The following AKAP9 variants were observed in gnomAD, a reference collection of about 807,000 sequenced individuals.
AKAP9 encodes A-kinase anchor protein 9.
Under a neutral mutation model 488.5 loss-of-function variants are expected in AKAP9, and 311 were observed. That is an observed-to-expected ratio of 0.64 (90% CI 0.58 to 0.70). The LOEUF (loss-of-function observed/expected upper bound fraction) is 0.70. Among genes scored for constraint, AKAP9 ranks in the 30% least tolerant of loss-of-function variants. The pLI is 0.00. For synonymous variants in AKAP9, 1,462 were observed against 1,483.5 expected, an observed-to-expected ratio of 0.99 and a Z score of 0.33; for missense variants, 4,215 against 4,374.5, an observed-to-expected ratio of 0.96 and a Z score of 1.03.
At chr7:92,084,586 A>G (rs771281864) in intron 33 of AKAP9, 54 bp from the exon 34 acceptor site, 3 of 1,288,810 alleles carry the variant, frequency 2.3e-6, no homozygotes, top group Non-Finnish European at 3.3e-6. Flanking sequence ...AATTCATTGT[A>G]TTCTATTTTT....
intron 12 of AKAP9, among the ~76,000 whole-genome samples, chr7:92,018,301 C>T (rs955027748): frequency 2.0e-5 from 3 of 151,880 alleles, no homozygotes; most frequent in Non-Finnish European, 4.4e-5. Flanking sequence ...GGGAGGATCA[C>T]TTGAACCTAG....
At chr7:91,949,081 A>G (rs1050185385) in intron 1 of AKAP9, among the ~76,000 whole-genome samples, 2 of 152,008 alleles carry the variant, frequency 1.3e-5, no homozygotes, top group African/African-American at 4.8e-5. Context: ...AGAAATGTCT[A>G]TTAATATCCC....
chr7:92,021,837 G>A (rs981453679), intron 12 of AKAP9, among the ~76,000 whole-genome samples: 1 of 152,038 alleles, frequency 6.6e-6, no homozygotes, highest in Non-Finnish European at 1.5e-5. Context: ...GTTGTACATA[G>A]GATATATCTA....
intron 9 of AKAP9, 24 bp from the exon 10 acceptor site, chr7:92,014,225 T>C: frequency 6.5e-7 from 1 of 1,541,488 alleles, no homozygotes; most frequent in Non-Finnish European, 9.0e-7. Flanking sequence ...ATTGAATTTC[T>C]TAATCCATTA....
intron 9 of AKAP9, among the ~76,000 whole-genome samples, chr7:92,013,361 A>T (rs1801050482): frequency 6.6e-6 from 1 of 152,094 alleles, no homozygotes; most frequent in African/African-American, 2.4e-5. Flanking sequence ...ATTTTGGAAA[A>T]TTGAGAGTTC....
In AKAP9 at chr7:91,992,912, T is replaced by C; in HGVS notation, c.433T>C (p.Tyr145His). Residue 145 changes from tyrosine (Y) to histidine (H), a missense_variant, in exon 5 of 50, where the codon TAT (tyrosine) becomes CAT (histidine). By Grantham distance (83) the Tyr-to-His change is moderately conservative (BLOSUM62 2). Coordinates refer to ENST00000356239, the MANE Select transcript of AKAP9 (RefSeq NM_005751.5). ...AGAAGAATTTGGTGTTGATGATTCT[T>C]ATTCTGAACAAGGAGCACAAGACAG... ...REEEFGVDDS[Y>H]SEQGAQDSPT... The C allele has an allele frequency of 6.2e-7, 1 of 1,614,004 alleles. No individual in the cohort carries two copies. Among genetic ancestry groups the C allele is most frequent in the East Asian group, 2.2e-5 (1 of 44,858 alleles).
At chr7:92,031,405 A>G (rs1450622562) in intron 15 of AKAP9, 107 bp from the exon 16 acceptor site, 2 of 757,510 alleles carry the variant, frequency 2.6e-6, no homozygotes, top group East Asian at 2.6e-5. Flanking sequence ...AGTATGTAGA[A>G]CTTTTCTAAA....
rs185193773 is a variant in AKAP9 at position 92,041,960 on chromosome 7, C to T, written c.4918-86C>T. On this transcript the variant is annotated intron_variant, in intron 18 of 49. Coordinates refer to ENST00000356239, the MANE Select transcript of AKAP9 (RefSeq NM_005751.5). ...AAGTAGAACCAGGGCCTGTTGGTCC[C>T]GGGGGTTAAAAGAAATCTGCTTAAT... 3.3e-4 allele frequency: 481 copies of T among 1,458,278 alleles called. 1 individual carries two copies. Among genetic ancestry groups the T allele is most frequent in the African/African-American group, 1.9e-3 (138 of 71,438 alleles). 90.3% of individuals were successfully genotyped at this position (1,458,278 alleles called of 1,614,324 possible).
intron 12 of AKAP9, 37 bp downstream of exon 12, chr7:92,017,139 TTATTG>T (rs1327831230): frequency 7.0e-7 from 1 of 1,435,486 alleles, no homozygotes; most frequent in Non-Finnish European, 9.7e-7. Flanking sequence ...ATATTTGCAT[TTATTG>T]TATTGTCTGC....
intron 27 of AKAP9, 64 bp from the exon 28 acceptor site, chr7:92,070,839 CAA>C: frequency 1.7e-6 from 1 of 583,984 alleles, no homozygotes; most frequent in Admixed American, 4.5e-5. Context: ...GACCAAAAAA[CAA>C]AAAAAAACTG....
At chr7:92,034,498 A>T (rs199929422) in intron 16 of AKAP9, among the ~76,000 whole-genome samples, 15,288 of 95,852 alleles carry the variant, frequency 0.16, 1,977 homozygotes, top group Non-Finnish European at 0.19. Context: ...ATATATATAT[A>T]TTTTTTTTTT....
chr7:92,002,881 AC>A lies in AKAP9; in HGVS notation c.2965del (p.Gln989LysfsTer4). ...TTAAATCTTTAAAGCAAGAGAAAGA[AC>A]AAGTTTCATTGAGATGTAGAGAGCT... ...EVKSLKQEKE[Q>X]VSLRCRELEI... On this transcript the variant is annotated frameshift_variant, in exon 8 of 50. Coordinates refer to ENST00000356239, the MANE Select transcript of AKAP9 (RefSeq NM_005751.5). LOFTEE classifies it high-confidence loss of function. The A allele has an allele frequency of 6.2e-7, 1 of 1,612,842 alleles. No homozygotes were observed. The highest frequency in any genetic ancestry group is 8.5e-7 in the Non-Finnish European group (1 of 1,179,414).
chr7:91,996,410 C>G (rs550526996), intron 7 of AKAP9, among the ~76,000 whole-genome samples: 14 of 152,306 alleles, frequency 9.2e-5, no homozygotes, highest in African/African-American at 3.4e-4. Context: ...TCAGAAGTGA[C>G]TTGCCTGAGG....
chr7:91,983,590 TG>T (rs1478704306), intron 3 of AKAP9, among the ~76,000 whole-genome samples: 5 of 152,222 alleles, frequency 3.3e-5, no homozygotes, highest in Admixed American at 2.0e-4. Flanking sequence ...CTGGGTCAAA[TG>T]GTATTTCTAG....
At chr7:92,026,028 C>T (rs1250221728) in intron 14 of AKAP9, among the ~76,000 whole-genome samples, 2 of 151,916 alleles carry the variant, frequency 1.3e-5, no homozygotes, top group African/African-American at 4.8e-5. Context: ...AGAGTAATAA[C>T]AGCAAAATGG....
rs1403736068 is a variant in AKAP9 at position 92,062,220 on chromosome 7, T to A, written c.5765-54T>A. The A allele has an allele frequency of 4.8e-6, 7 of 1,462,702 alleles. No individual in the cohort carries two copies. The Admixed American group carries it at 1.2e-4, about 25-fold the overall frequency. The allele number at this position is 1,462,702 out of a possible 1,614,324, so 90.6% of individuals were successfully genotyped here. A position where few individuals can be genotyped will look rare whatever the true frequency, so the allele number is the denominator to read the frequency against. ...TTTTGTTGTTTATATTAAAACCTAG[T>A]GGTTGAATTTGAAATGAATAATAGT... is the stretch of plus-strand genomic sequence containing the variant. On this transcript the variant is annotated intron_variant, in intron 23 of 49. Coordinates refer to ENST00000356239, the MANE Select transcript of AKAP9 (RefSeq NM_005751.5).
intron 42 of AKAP9, 57 bp downstream of exon 42, chr7:92,097,851 C>T: frequency 6.4e-7 from 1 of 1,555,694 alleles, no homozygotes; most frequent in East Asian, 2.2e-5. Context: ...GGGTAGACCC[C>T]ATGCCTCTGG....
chr7:92,042,302 G>A, intron 19 of AKAP9, 116 bp downstream of exon 19: 2 of 1,336,356 alleles, frequency 1.5e-6, no homozygotes, highest in East Asian at 2.4e-5. Context: ...TAACATATTT[G>A]TGACTGCATG....
At chr7:91,941,272 G>C (rs1202359153) in intron 1 of AKAP9, 125 bp downstream of exon 1, 7 of 871,138 alleles carry the variant, frequency 8.0e-6, no homozygotes, top group Non-Finnish European at 1.3e-5. Context: ...GTGCTGCAGG[G>C]TCTTAGGGTC....
Sources: gnomAD v4.1 joint callset for allele counts (sites outside exome capture counted in the v4.1 genomes callset) on GRCh38, gnomAD v4.1.1 for gene constraint, MANE v1.5 for transcripts, NCBI Gene and HGNC (gene_info 2026-07-23, HGNC 2026-07-21) for gene names.